Variants in IL1RAPL2 observed in about 807,000 individuals in gnomAD.
IL1RAPL2 encodes the protein interleukin 1 receptor accessory protein like 2.
In IL1RAPL2, 3 loss-of-function variants were observed where a neutral mutation model predicts 44.1. That is an observed-to-expected ratio of 0.07 (90% CI 0.03 to 0.18). IL1RAPL2 has a LOEUF of 0.18. Ranked by LOEUF, IL1RAPL2 falls within the 10% of genes least tolerant of loss-of-function variation. IL1RAPL2 has a pLI of 1.00. For synonymous variants in IL1RAPL2, 181 were observed against 178.8 expected (o/e 1.01, Z -0.10); for missense variants, 391 against 496.4 (o/e 0.79, Z 2.02).
chrX:104,867,346 A>G (rs1433099656), intron 2 of IL1RAPL2, among the ~76,000 whole-genome samples: 1 of 111,436 alleles, frequency 9.0e-6, no homozygotes, highest in Non-Finnish European at 1.9e-5. Context: ...GATACGATGC[A>G]AGCTATGTAC....
chrX:105,010,930 A>G (rs1263867622), intron 2 of IL1RAPL2, among the ~76,000 whole-genome samples: 1 of 111,345 alleles, frequency 9.0e-6, no homozygotes, highest in Non-Finnish European at 1.9e-5. Flanking sequence ...CTCTGAGGAT[A>G]AGTTATTCTC....
At chrX:105,235,882 A>G (rs1556201126) in intron 4 of IL1RAPL2, among the ~76,000 whole-genome samples, 1 of 111,720 alleles carries the variant, frequency 9.0e-6, no homozygotes, top group Non-Finnish European at 1.9e-5. Flanking sequence ...GATGTGACCT[A>G]TCCAAAGTTA....
intron 8 of IL1RAPL2, among the ~76,000 whole-genome samples, chrX:105,742,735 T>TAACTA (rs1569470923): frequency 1.8e-5 from 2 of 111,558 alleles, no homozygotes; most frequent in Non-Finnish European, 3.8e-5. Context: ...ACTTATATGC[T>TAACTA]AACTACTCCC....
chrX:104,780,976 A>G (rs150995963), intron 2 of IL1RAPL2, among the ~76,000 whole-genome samples: 6,126 of 111,390 alleles, frequency 0.055, 445 homozygotes, highest in African/African-American at 0.19. Flanking sequence ...ATCATTTGCA[A>G]TGTGTCAAAA....
At chrX:104,807,375 G>T (rs1932930002) in intron 2 of IL1RAPL2, among the ~76,000 whole-genome samples, 2 of 110,957 alleles carry the variant, frequency 1.8e-5, no homozygotes, top group African/African-American at 6.6e-5. Flanking sequence ...CATTTAGTGG[G>T]ATAGGCCTGT....
At position 104,604,161 on chromosome X, in the gene IL1RAPL2, TAAAG is replaced by T. The variant is rs1197656615; in HGVS notation, c.-20+37114_-20+37117del. Among the ~76,000 whole-genome samples, 6 of 111,857 alleles carry T rather than the reference TAAAG, an allele frequency of 5.4e-5. No individual in the cohort carries two copies. The East Asian group carries it at 1.7e-3, about 32-fold the overall frequency. On this transcript the variant is annotated intron_variant, in intron 1 of 10. Transcript: ENST00000372582. ...AGTGGGGGCCAATATTCAACATTCTTAAAGAAAATAAATTTCAACCCAGAATTTC... is the reference window on the plus strand; with the variant it reads ...AGTGGGGGCCAATATTCAACATTCTTAAAATAAATTTCAACCCAGAATTTC...
chrX:105,500,599 A>G (rs1030483638), intron 6 of IL1RAPL2, among the ~76,000 whole-genome samples: 1 of 111,409 alleles, frequency 9.0e-6, no homozygotes, highest in African/African-American at 3.3e-5. Context: ...CCTCTTTCTC[A>G]TCTTTAATAA....
rs1225752581 is a variant in IL1RAPL2 at position 105,307,521 on chromosome X, AT to A, written c.697+39984del. On this transcript the variant is annotated intron_variant, in intron 5 of 10. Coordinates refer to ENST00000372582, the MANE Select transcript of IL1RAPL2 (RefSeq NM_017416.2). ...TATATATATTATATATAATATATAT[AT>A]TTTATATTATATATATTATATATAA... Among the ~76,000 whole-genome samples the A allele has an allele frequency of 8.9e-3, 477 of 53,477 alleles. 34 individuals carry two copies. Among genetic ancestry groups the A allele is most frequent in the African/African-American group, 0.039 (449 of 11,430 alleles). 46.4% of individuals were successfully genotyped at this position (53,477 alleles called of 115,157 possible).
At chrX:105,487,107 A>G (rs971916762) in intron 6 of IL1RAPL2, among the ~76,000 whole-genome samples, 2 of 109,207 alleles carry the variant, frequency 1.8e-5, no homozygotes, top group Non-Finnish European at 1.9e-5. Context: ...AAAAAAAAAA[A>G]AAAAATAGTA....
chrX:105,512,439 A>C (rs2036477532), intron 6 of IL1RAPL2, among the ~76,000 whole-genome samples: 1 of 111,819 alleles, frequency 8.9e-6, no homozygotes, highest in Non-Finnish European at 1.9e-5. Context: ...GCCTCATAAA[A>C]TCCCATGAAG....
At chrX:104,889,044 C>A (rs767635423) in intron 2 of IL1RAPL2, among the ~76,000 whole-genome samples, 3 of 111,214 alleles carry the variant, frequency 2.7e-5, no homozygotes, top group Admixed American at 9.6e-5. Context: ...AATTACACCC[C>A]ACAACTTCAA....
chrX:104,599,351 G>A (rs1223254517), intron 1 of IL1RAPL2, among the ~76,000 whole-genome samples: 1 of 111,112 alleles, frequency 9.0e-6, no homozygotes, highest in Admixed American at 9.7e-5. Flanking sequence ...GGGCTCAAGT[G>A]ATCCTCCCAT....
chrX:104,665,421 GC>G (rs1187624092), intron 2 of IL1RAPL2, among the ~76,000 whole-genome samples: 1 of 110,411 alleles, frequency 9.1e-6, no homozygotes, highest in Non-Finnish European at 1.9e-5. Flanking sequence ...TGGAAGTCAA[GC>G]ATTTTGGATT....
In IL1RAPL2 at chrX:105,118,839, C is replaced by T. The variant is rs187129934; in HGVS notation, c.83-76636C>T. ...GCCATAGCTCAAAAAACATATGGTA[C>T]ACAGCCCCAATAAAAATGAGATGCA... On this transcript the variant is annotated intron_variant, in intron 2 of 10. Coordinates refer to ENST00000372582, the MANE Select transcript of IL1RAPL2 (RefSeq NM_017416.2). Among the ~76,000 whole-genome samples, 7 of 112,132 alleles carry T rather than the reference C, an allele frequency of 6.2e-5. No individual in the cohort carries two copies. In the Admixed American group the frequency reaches 6.6e-4, roughly 11 times the overall value.
intron 2 of IL1RAPL2, among the ~76,000 whole-genome samples, chrX:104,939,393 A>G (rs1200482785): frequency 2.7e-5 from 3 of 111,676 alleles, no homozygotes; most frequent in Non-Finnish European, 5.6e-5. Context: ...TAAATCCTTT[A>G]GTTGGGAAGC....
At chrX:105,374,753 C>T (rs1331355950) in intron 5 of IL1RAPL2, among the ~76,000 whole-genome samples, 2 of 109,082 alleles carry the variant, frequency 1.8e-5, no homozygotes, top group Non-Finnish European at 3.8e-5. Context: ...TCGAGACCAT[C>T]CTGGCTAACA....
chrX:104,783,217 T>C (rs1275993839), intron 2 of IL1RAPL2, among the ~76,000 whole-genome samples: 1 of 111,939 alleles, frequency 8.9e-6, no homozygotes, highest in African/African-American at 3.2e-5. Flanking sequence ...TTATGTAATC[T>C]GATAGGAGGA....
At chrX:104,608,196 G>A (rs1035625229) in intron 1 of IL1RAPL2, among the ~76,000 whole-genome samples, 8 of 110,177 alleles carry the variant, frequency 7.3e-5, no homozygotes, top group Non-Finnish European at 1.1e-4. Context: ...ACATGGACAC[G>A]TGGAGGGGAA....
chrX:105,566,077 A>G (rs2036972532), intron 6 of IL1RAPL2, among the ~76,000 whole-genome samples: 1 of 111,319 alleles, frequency 9.0e-6, no homozygotes, highest in African/African-American at 3.3e-5. Context: ...GGTGAAGGCC[A>G]GATATAAGGA....
Sources: gnomAD v4.1 joint callset for allele counts (sites outside exome capture counted in the v4.1 genomes callset) on GRCh38, gnomAD v4.1.1 for gene constraint, MANE v1.5 for transcripts, NCBI Gene and HGNC (gene_info 2026-07-23, HGNC 2026-07-21) for gene names.